The following ADAMTS2 variants were observed in gnomAD, a reference collection of about 807,000 sequenced individuals.
ADAMTS2 encodes the protein ADAM metallopeptidase with thrombospondin type 1 motif 2.
Under a neutral mutation model 123.0 loss-of-function variants are expected in ADAMTS2, and 50 were observed. That is an observed-to-expected ratio of 0.41 (90% CI 0.32 to 0.51). The LOEUF is 0.51. ADAMTS2 is among the 20% of genes least tolerant of loss of function. The pLI, the probability that ADAMTS2 is intolerant of heterozygous loss-of-function variation, is 0.35. For synonymous variants in ADAMTS2, 678 were observed against 695.4 expected (o/e 0.98, Z 0.39); for missense variants, 1,494 against 1,705.2 (o/e 0.88, Z 2.18).
intron 2 of ADAMTS2, among the ~76,000 whole-genome samples, chr5:179,274,069 C>T (rs1249674209): frequency 6.6e-6 from 1 of 151,112 alleles, no homozygotes; most frequent in Non-Finnish European, 1.5e-5. Context: ...CTGATTCAGA[C>T]CCCCTCACCT....
rs1391237667 is a variant in ADAMTS2 at position 179,154,049 on chromosome 5, T to C, written c.1382A>G (p.His461Arg). 2 of 1,601,098 alleles carry C rather than the reference T, an allele frequency of 1.2e-6. No individual in the cohort carries two copies. The highest frequency in any genetic ancestry group is 1.3e-5 in the African/African-American group (1 of 75,024). ...CSQQELSRYL[H>R]SYDCLLDDPF... ...CACGGGGCACATGGGCAGTACTCAC[T>C]GCAGGTAGCGGCTCAGCTCCTGCTG... Residue 461 changes from histidine to arginine, a missense_variant and splice_region_variant, in exon 8 of 22, where the codon CAC (histidine) becomes CGC (arginine). By Grantham distance (29) the His-to-Arg change is conservative. Around this residue, in one of 6 missense-constraint regions of ADAMTS2, gnomAD observed 953 missense variants for 1,124.7 expected, o/e 0.85. Coordinates refer to ENST00000251582, the MANE Select transcript of ADAMTS2 (RefSeq NM_014244.5).
intron 4 of ADAMTS2, among the ~76,000 whole-genome samples, chr5:179,186,434 G>A (rs910705628): frequency 2.6e-5 from 4 of 152,198 alleles, no homozygotes; most frequent in South Asian, 2.1e-4. Context: ...GAGAGGCAGG[G>A]GTGCTCCACA....
intron 2 of ADAMTS2, among the ~76,000 whole-genome samples, chr5:179,283,549 C>CAAAAAAAAAAAAAA (rs3986816): frequency 6.0e-4 from 31 of 51,258 alleles, no homozygotes; most frequent in Non-Finnish European, 7.7e-4. Flanking sequence ...AGAAAAACAG[C>CAAAAAAAAAAAAAA]AAAAAAAAAA....
rs377689595 is a variant in ADAMTS2, at chr5:179,220,798, G to A, written c.689-13083C>T. The stretch of plus-strand genomic sequence containing the variant: ...CAGTTTCCCTTGTTGTGGCCTTCAC[G>A]TCCTTTGATGTTGAGCCCTGCGTTC... On this transcript the variant is annotated intron_variant, in intron 3 of 21. Coordinates refer to ENST00000251582, the MANE Select transcript of ADAMTS2 (RefSeq NM_014244.5). Among the ~76,000 whole-genome samples, 30 of 152,300 alleles carry A rather than the reference G, an allele frequency of 2.0e-4. No homozygotes were observed. The East Asian group carries it at 2.9e-3, about 15-fold the overall frequency.
intron 5 of ADAMTS2, among the ~76,000 whole-genome samples, chr5:179,177,087 C>T (rs1252328644): frequency 6.6e-6 from 1 of 152,210 alleles, no homozygotes; most frequent in Non-Finnish European, 1.5e-5. Flanking sequence ...CTTCTGGAAG[C>T]GGTCCCCTGA....
chr5:179,329,118 G>C (rs889763186), intron 2 of ADAMTS2, among the ~76,000 whole-genome samples: 6 of 152,072 alleles, frequency 3.9e-5, no homozygotes, highest in East Asian at 1.9e-4. Flanking sequence ...ACGAGGTCAG[G>C]AGATGGAGAC....
At chr5:179,142,465 A>G (rs1483206010) in intron 10 of ADAMTS2, among the ~76,000 whole-genome samples, 1 of 152,216 alleles carries the variant, frequency 6.6e-6, no homozygotes, top group Non-Finnish European at 1.5e-5. Context: ...TGAAAGGTCT[A>G]GAATTTAATT....
Position 179,115,274 on chromosome 5 carries a change from G to A in ADAMTS2, c.3179-950C>T, listed in dbSNP as rs181325512. Among the ~76,000 whole-genome samples, 16 of 152,086 alleles carry A rather than the reference G, an allele frequency of 1.1e-4. No individual in the cohort carries two copies. Among genetic ancestry groups the A allele is most frequent in the East Asian group, 5.8e-4 (3 of 5,168 alleles). Reference sequence around the variant, plus strand: ...CATTCAACCCATCAACTCTTCTTGCGCTCACACTCTCTTTACTCTCTGTCT... The same window carrying A: ...CATTCAACCCATCAACTCTTCTTGCACTCACACTCTCTTTACTCTCTGTCT... On this transcript the variant is annotated intron_variant, in intron 21 of 21. Coordinates refer to ENST00000251582, the MANE Select transcript of ADAMTS2 (RefSeq NM_014244.5). This position sits in a 1 kb window ranked among gnomAD's most constrained non-coding sequence, Gnocchi z 4.4.
intron 10 of ADAMTS2, among the ~76,000 whole-genome samples, chr5:179,148,542 C>T (rs1019257935): frequency 3.3e-5 from 5 of 152,312 alleles, no homozygotes; most frequent in African/African-American, 9.6e-5. Flanking sequence ...ACTCTCCCCA[C>T]GGTGCTGGCC....
intron 3 of ADAMTS2, among the ~76,000 whole-genome samples, chr5:179,270,048 C>T (rs371264918): frequency 2.0e-5 from 3 of 152,170 alleles, no homozygotes; most frequent in African/African-American, 7.2e-5. Context: ...CCGGGTGTTG[C>T]CTAAGCTGCC....
chr5:179,156,138 C>T (rs1213610103), intron 6 of ADAMTS2, among the ~76,000 whole-genome samples: 2 of 152,112 alleles, frequency 1.3e-5, no homozygotes, highest in African/African-American at 4.8e-5. Context: ...TCATCCTACT[C>T]AGCATTACAG....
intron 13 of ADAMTS2, among the ~76,000 whole-genome samples, chr5:179,133,500 C>T (rs1466162503): frequency 6.6e-6 from 1 of 151,982 alleles, no homozygotes; most frequent in Non-Finnish European, 1.5e-5. Flanking sequence ...GAACTCCTGA[C>T]CTCAGGTGAT....
At chr5:179,207,823 A>G (rs984121931) in intron 3 of ADAMTS2, 108 bp from the exon 4 acceptor site, 5 of 949,348 alleles carry the variant, frequency 5.3e-6, no homozygotes, top group South Asian at 1.4e-5. Context: ...AGCACCCTGA[A>G]CCGAGGGTAT....
Position 179,113,736 on chromosome 5 carries a change from C to A in ADAMTS2, c.*131G>T, listed in dbSNP as rs1762611366. Reference sequence around the variant, plus strand: ...ATGCCTATCTTTCTTACGTCATTCCCCCTCTTTGTTTTCTCAAAACCTTTT... The same window carrying A: ...ATGCCTATCTTTCTTACGTCATTCCACCTCTTTGTTTTCTCAAAACCTTTT... On this transcript the variant is annotated 3_prime_UTR_variant, in exon 22 of 22. Coordinates refer to ENST00000251582, the MANE Select transcript of ADAMTS2 (RefSeq NM_014244.5). The A allele has an allele frequency of 4.4e-6, 4 of 919,464 alleles. No individual in the cohort carries two copies. Among genetic ancestry groups the A allele is most frequent in the Non-Finnish European group, 6.9e-6 (4 of 576,482 alleles). 57.0% of individuals were successfully genotyped at this position (919,464 alleles called of 1,614,324 possible).
intron 2 of ADAMTS2, among the ~76,000 whole-genome samples, chr5:179,337,781 C>A (rs547810306): frequency 6.6e-6 from 1 of 151,524 alleles, no homozygotes; most frequent in Non-Finnish European, 1.5e-5. Context: ...TGGCTGATTC[C>A]CTTACTCACC....
chr5:179,270,210 G>A (rs1424522713), intron 3 of ADAMTS2, among the ~76,000 whole-genome samples: 4 of 152,116 alleles, frequency 2.6e-5, no homozygotes, highest in East Asian at 1.9e-4. Context: ...ATGAGTCCCC[G>A]AGATCACCCT....
intron 12 of ADAMTS2, 130 bp downstream of exon 12, chr5:179,137,639 G>A: frequency 7.9e-7 from 1 of 1,273,672 alleles, no homozygotes; most frequent in African/African-American, 1.5e-5. Flanking sequence ...CACCAGCCAG[G>A]GTGGGCTCTC....
chr5:179,146,610 G>A (rs115894832), intron 10 of ADAMTS2, among the ~76,000 whole-genome samples: 6 of 152,150 alleles, frequency 3.9e-5, no homozygotes, highest in South Asian at 2.1e-4. Flanking sequence ...ACTCCTCTTC[G>A]TTAATGAGAC....
chr5:179,124,509 C>T (rs1190362639), intron 19 of ADAMTS2, among the ~76,000 whole-genome samples: 1 of 152,226 alleles, frequency 6.6e-6, no homozygotes, highest in Non-Finnish European at 1.5e-5. Context: ...GCCCGGGCTA[C>T]CCTCAGTTTC....
Sources: allele counts gnomAD v4.1 joint callset (sites outside exome capture counted in the v4.1 genomes callset), GRCh38; gene constraint gnomAD v4.1.1; regional missense constraint gnomAD v4.1.1; non-coding constraint Gnocchi (gnomAD v3.1); transcripts MANE v1.5; gene names NCBI Gene and HGNC (gene_info 2026-07-23, HGNC 2026-07-21).